The following SNRNP70 variants were observed in gnomAD, a reference collection of about 807,000 sequenced individuals.
SNRNP70 encodes the protein small nuclear ribonucleoprotein U1 subunit 70, also known as U1 small nuclear ribonucleoprotein 70 kDa.
A neutral mutation model predicts 50.5 loss-of-function variants in SNRNP70; 8 were observed. That is an observed-to-expected ratio of 0.16 (90% CI 0.09 to 0.29). The LOEUF (loss-of-function observed/expected upper bound fraction) is 0.29. Among genes scored for constraint, SNRNP70 ranks in the 10% least tolerant of loss-of-function variants. SNRNP70 has a pLI of 1.00. For synonymous variants in SNRNP70, 320 were observed against 252.9 expected (o/e 1.27, Z -2.52); for missense variants, 529 against 663.5 (o/e 0.80, Z 2.23).
At chr19:49,097,428 A>C (rs573824867) in intron 4 of SNRNP70, among the ~76,000 whole-genome samples, 2 of 152,318 alleles carry the variant, frequency 1.3e-5, no homozygotes, top group South Asian at 4.1e-4. Context: ...CCATTATTGG[A>C]ACGCTAAGCA....
chr19:49,102,234 A>C, intron 7 of SNRNP70: 1 of 1,250,436 alleles, frequency 8.0e-7, no homozygotes, highest in Non-Finnish European at 1.0e-6. Flanking sequence ...AGCCCAGCTT[A>C]GCCAGGCAGC....
intron 8 of SNRNP70, among the ~76,000 whole-genome samples, chr19:49,105,245 C>G (rs1018280721): frequency 5.3e-5 from 8 of 152,152 alleles, no homozygotes; most frequent in African/African-American, 1.9e-4. Flanking sequence ...CCCTCTGAGC[C>G]TCCTGCATTC....
intron 4 of SNRNP70, among the ~76,000 whole-genome samples, chr19:49,090,926 G>T (rs1416128863): frequency 1.3e-5 from 2 of 152,122 alleles, no homozygotes; most frequent in African/African-American, 4.8e-5. Flanking sequence ...TACAAGACAG[G>T]TGTGTTGTTG....
At chr19:49,101,636 T>C in intron 7 of SNRNP70, 165 bp downstream of exon 7, 1 of 608,488 alleles carries the variant, frequency 1.6e-6, no homozygotes, top group Non-Finnish European at 2.9e-6. Context: ...TTTATATACG[T>C]GTTTTTTAAA....
chr19:49,090,400 G>A (rs1316933243), intron 3 of SNRNP70, 47 bp downstream of exon 3: 1 of 1,612,996 alleles, frequency 6.2e-7, no homozygotes, highest in Non-Finnish European at 8.5e-7. Flanking sequence ...ACTGTCTCCA[G>A]ATGATCCTTG....
chr19:49,087,141 C>T (rs1350748421), intron 2 of SNRNP70, among the ~76,000 whole-genome samples: 1 of 138,920 alleles, frequency 7.2e-6, no homozygotes, highest in Non-Finnish European at 1.5e-5. Context: ...GATCGCGCCA[C>T]TGCACTCCAT....
At chr19:49,090,588 C>T in intron 4 of SNRNP70, 68 bp downstream of exon 4, 1 of 1,467,310 alleles carries the variant, frequency 6.8e-7, no homozygotes, top group Non-Finnish European at 9.5e-7. Context: ...CAGGTCATAC[C>T]CAGGACCCTG....
Position 49,096,536 on chromosome 19 carries a change from C to A in SNRNP70, c.266-1891C>A, listed in dbSNP as rs1455840372. 6.0e-5 allele frequency among the ~76,000 whole-genome samples: 9 copies of A among 150,248 alleles called. No individual in the cohort carries two copies. The East Asian group carries it at 8.0e-4, about 13-fold the overall frequency. ...ATGCCAGCACTTTGGGAGGCCGAGGCAGGCAGATCACCTGAGGTCAGGAGT... is the reference window on the plus strand; with the variant it reads ...ATGCCAGCACTTTGGGAGGCCGAGGAAGGCAGATCACCTGAGGTCAGGAGT... On this transcript the variant is annotated intron_variant, in intron 4 of 9. Transcript: ENST00000598441.
At chr19:49,100,675 G>A (rs149330355) in intron 6 of SNRNP70, among the ~76,000 whole-genome samples, 473 of 151,992 alleles carry the variant, frequency 3.1e-3, no homozygotes, top group Non-Finnish European at 5.2e-3. Context: ...GTGTGGTGGC[G>A]CACGCCTGTA....
chr19:49,086,686 C>A, intron 2 of SNRNP70, 125 bp downstream of exon 2: 1 of 878,888 alleles, frequency 1.1e-6, no homozygotes, highest in Non-Finnish European at 1.8e-6. Flanking sequence ...CCTTTGTGAT[C>A]CTCAGTTTCT....
chr19:49,094,623 A>G (rs2040489906), intron 4 of SNRNP70, among the ~76,000 whole-genome samples: 1 of 152,130 alleles, frequency 6.6e-6, no homozygotes, highest in African/African-American at 2.4e-5. Context: ...GAACTTCTCC[A>G]TAATAGAAAA....
intron 2 of SNRNP70, among the ~76,000 whole-genome samples, chr19:49,087,346 C>G (rs532034858): frequency 6.6e-6 from 1 of 152,224 alleles, no homozygotes; most frequent in South Asian, 2.1e-4. Flanking sequence ...TTATCTTTAG[C>G]AAGGGGATAG....
chr19:49,098,217 C>G (rs1471073165), intron 4 of SNRNP70, among the ~76,000 whole-genome samples: 1 of 152,188 alleles, frequency 6.6e-6, no homozygotes, highest in Non-Finnish European at 1.5e-5. Flanking sequence ...TGGATTATCT[C>G]TCAGCCACTC....
At chr19:49,086,599 TG>T in intron 2 of SNRNP70, 38 bp downstream of exon 2, 1 of 1,602,430 alleles carries the variant, frequency 6.2e-7, no homozygotes. Context: ...GTTTGGGTTC[TG>T]GGGAGCAACG....
chr19:49,100,316 A>T (rs2040566447), intron 6 of SNRNP70, among the ~76,000 whole-genome samples: 1 of 152,124 alleles, frequency 6.6e-6, no homozygotes, highest in African/African-American at 2.4e-5. Context: ...GGTCCCTAGC[A>T]TGTTAGGACA....
In SNRNP70 at chr19:49,101,263, G is replaced by A. The variant is rs569728039; in HGVS notation, c.394-127G>A. The A allele has an allele frequency of 2.1e-3, 1,430 of 696,116 alleles. 3 individuals are homozygous for A. The highest frequency in any genetic ancestry group is 2.7e-3 in the Non-Finnish European group (1,025 of 381,908). The allele number at this position is 696,116 out of a possible 1,614,324, so 43.1% of individuals were successfully genotyped here. On this transcript the variant is annotated intron_variant, in intron 6 of 9. Coordinates refer to ENST00000598441, the MANE Select transcript of SNRNP70 (RefSeq NM_003089.6). ...GCCATTAGAACATAAGTCACTCAGGGCTCTTGAAGGACAGAGAGGGTCTGA... is the reference window on the plus strand; with the variant it reads ...GCCATTAGAACATAAGTCACTCAGGACTCTTGAAGGACAGAGAGGGTCTGA...
rs1169754514 is a variant in SNRNP70 at position 49,107,426 on chromosome 19, C to T, written c.578-199C>T. Among the ~76,000 whole-genome samples, 1 of 152,164 alleles carries T rather than the reference C, an allele frequency of 6.6e-6. No individual in the cohort carries two copies. The highest frequency in any genetic ancestry group is 1.5e-5 in the Non-Finnish European group (1 of 68,034). ...AGTAACGGCTGTTGCCTAGCGAACG[C>T]TTTGTGTGAGTTAATTAGAGAAGAC... On this transcript the variant is annotated intron_variant, in intron 8 of 9. Coordinates refer to ENST00000598441, the MANE Select transcript of SNRNP70 (RefSeq NM_003089.6). This position sits in a 1 kb window ranked among gnomAD's most constrained non-coding sequence, Gnocchi z 6.0.
At position 49,090,297 on chromosome 19, in the gene SNRNP70, C is replaced by A. The variant is rs921783526; in HGVS notation, c.154C>A (p.Arg52=). 3 of 1,613,782 alleles carry A rather than the reference C, an allele frequency of 1.9e-6. No homozygotes were observed. The highest frequency in any genetic ancestry group is 2.5e-6 in the Non-Finnish European group (3 of 1,179,980). ...CCTCTCTTCTTGTTCCCAGGACCCT[C>A]GAGATGCCCCTCCTCCAACTCGTGC... ...APYIREFEDP[R]DAPPPTRAET... is the part of the protein sequence containing the mutation. The change falls in exon 3 of 10, where the codon CGA becomes AGA. Residue 52 remains arginine, a synonymous_variant. Transcript: ENST00000598441.
chr19:49,093,429 A>T lies in SNRNP70; in HGVS notation c.265+2909A>T, dbSNP rs1013498445. Among the ~76,000 whole-genome samples the T allele has an allele frequency of 5.9e-5, 9 of 151,458 alleles. No homozygotes were observed. The East Asian group carries it at 1.8e-3, about 30-fold the overall frequency. ...CGGTTCCACCCGGGCGTGGTGGCTCACGCCTGTAATCCTTCAAGGCAGGTG... is the reference window on the plus strand; with the variant it reads ...CGGTTCCACCCGGGCGTGGTGGCTCTCGCCTGTAATCCTTCAAGGCAGGTG... On this transcript the variant is annotated intron_variant, in intron 4 of 9. Transcript: ENST00000598441.
Sources: allele counts gnomAD v4.1 joint callset (sites outside exome capture counted in the v4.1 genomes callset), GRCh38; gene constraint gnomAD v4.1.1; non-coding constraint Gnocchi (gnomAD v3.1); transcripts MANE v1.5; gene names NCBI Gene and HGNC (gene_info 2026-07-23, HGNC 2026-07-21).